Variants in DENND5B observed in about 807,000 individuals in gnomAD.
DENND5B encodes DENN domain containing 5B.
In DENND5B, 34 loss-of-function variants were observed where a neutral mutation model predicts 140.6. The ratio of observed to expected loss-of-function variants is 0.24; its 90% confidence interval spans 0.18 to 0.32. DENND5B has a LOEUF of 0.32. DENND5B is among the 10% of genes least tolerant of loss of function. The pLI, the probability that DENND5B is intolerant of heterozygous loss-of-function variation, is 1.00. For synonymous variants in DENND5B, 551 were observed against 562.1 expected, an observed-to-expected ratio of 0.98 and a Z score of 0.28; for missense variants, 1,142 against 1,560.2, an observed-to-expected ratio of 0.73 and a Z score of 4.52.
chr12:31,432,334 G>A lies in DENND5B; in HGVS notation c.2106+821C>T, dbSNP rs139014883. The A allele has an allele frequency of 3.7e-3, 567 of 153,034 alleles. 4 individuals are homozygous for A. The highest frequency in any genetic ancestry group is 0.011 in the African/African-American group (448 of 41,272). 9.5% of individuals were successfully genotyped at this position (153,034 alleles called of 1,614,324 possible). On this transcript the variant is annotated intron_variant, in intron 8 of 20. Transcript: ENST00000389082. ...GTGATGCCTCAGTTCTTAATAAAAT[G>A]TTTAAAATCATATATGTATGAACAC... is the stretch of plus-strand genomic sequence containing the variant.
chr12:31,411,951 AT>A (rs1441408963), intron 13 of DENND5B, among the ~76,000 whole-genome samples: 2 of 152,124 alleles, frequency 1.3e-5, no homozygotes, highest in African/African-American at 4.8e-5. Context: ...AGGGCAATAT[AT>A]TTCATCCAAG....
intron 1 of DENND5B, among the ~76,000 whole-genome samples, chr12:31,529,555 C>G (rs1948207877): frequency 6.6e-6 from 1 of 151,902 alleles, no homozygotes. Flanking sequence ...ATCCTTTAGG[C>G]TGGGCACGGT....
chr12:31,566,138 T>A (rs1949618576), intron 1 of DENND5B, among the ~76,000 whole-genome samples: 1 of 151,984 alleles, frequency 6.6e-6, no homozygotes, highest in South Asian at 2.1e-4. Context: ...GAAGTGAAAC[T>A]CTTGTCTCAA....
At chr12:31,590,564 A>G (rs1181615797) in intron 1 of DENND5B, 142 bp downstream of exon 1, 2 of 1,040,962 alleles carry the variant, frequency 1.9e-6, no homozygotes, top group Non-Finnish European at 2.5e-6. Flanking sequence ...ATCGCGCCCG[A>G]GCGCCAGTTC....
At chr12:31,446,264 T>A (rs183967719) in intron 6 of DENND5B, among the ~76,000 whole-genome samples, 165 of 152,082 alleles carry the variant, frequency 1.1e-3, no homozygotes, top group Admixed American at 4.5e-3. Flanking sequence ...TTCTTCTATG[T>A]CAGCCTCCCT....
intron 1 of DENND5B, among the ~76,000 whole-genome samples, chr12:31,517,688 G>A (rs1947716314): frequency 1.3e-5 from 2 of 152,308 alleles, no homozygotes; most frequent in African/African-American, 4.8e-5. Context: ...CCCTAAACTA[G>A]TAGGGGTGCT....
At chr12:31,484,637 C>T (rs1946215291) in intron 2 of DENND5B, among the ~76,000 whole-genome samples, 1 of 151,974 alleles carries the variant, frequency 6.6e-6, no homozygotes. Flanking sequence ...CCTGTCTCTA[C>T]TAAAATACAA....
chr12:31,449,687 A>G (rs1322631655), intron 5 of DENND5B, among the ~76,000 whole-genome samples: 1 of 151,420 alleles, frequency 6.6e-6, no homozygotes, highest in Non-Finnish European at 1.5e-5. Flanking sequence ...TTTAGGTAAG[A>G]ATTTGAATTG....
Position 31,413,567 on chromosome 12 carries a change from A to G in DENND5B, c.2553-3T>C, listed in dbSNP as rs778300409. 5.0e-6 allele frequency: 8 copies of G among 1,608,996 alleles called. No homozygotes were observed. In the Admixed American group the frequency reaches 5.1e-5, roughly 10 times the overall value. On this transcript the variant is annotated splice_region_variant and splice_polypyrimidine_tract_variant and intron_variant, in intron 12 of 20. Transcript: ENST00000389082. ...TCTCACTCATGTTTTGAATATGCCT[A>G]AAGAATAGTGGCAACAGCAAAGATG...
chr12:31,442,958 T>C (rs1359493187), intron 6 of DENND5B, 33 bp from the exon 7 acceptor site: 4 of 1,536,394 alleles, frequency 2.6e-6, no homozygotes, highest in Non-Finnish European at 3.5e-6. Flanking sequence ...ATTAGAGACA[T>C]TTCATTGCTA....
chr12:31,467,844 T>C (rs2138363371), intron 3 of DENND5B, among the ~76,000 whole-genome samples: 1 of 151,832 alleles, frequency 6.6e-6, no homozygotes, highest in East Asian at 1.9e-4. Context: ...AAAGAGCATA[T>C]AACATCTAAA....
At chr12:31,410,380 T>A (rs1358995459) in intron 13 of DENND5B, among the ~76,000 whole-genome samples, 3 of 152,152 alleles carry the variant, frequency 2.0e-5, no homozygotes, top group Non-Finnish European at 4.4e-5. Flanking sequence ...GGTAAGTCTA[T>A]TAGTGCCTTT....
chr12:31,469,126 G>A (rs997478740), intron 3 of DENND5B, among the ~76,000 whole-genome samples: 1 of 152,054 alleles, frequency 6.6e-6, no homozygotes, highest in African/African-American at 2.4e-5. Context: ...CTGGAGGTCA[G>A]GAGTTCAAGA....
intron 1 of DENND5B, among the ~76,000 whole-genome samples, chr12:31,568,747 A>G (rs1398115314): frequency 2.0e-5 from 3 of 152,190 alleles, no homozygotes; most frequent in Non-Finnish European, 4.4e-5. Flanking sequence ...CCCTGAACAC[A>G]TGCCCCCAAA....
At chr12:31,424,187 A>G (rs1943142000) in intron 10 of DENND5B, among the ~76,000 whole-genome samples, 1 of 152,202 alleles carries the variant, frequency 6.6e-6, no homozygotes, top group Non-Finnish European at 1.5e-5. Flanking sequence ...ACAAAAGCAA[A>G]GAGACCATTT....
intron 1 of DENND5B, among the ~76,000 whole-genome samples, chr12:31,574,337 C>T (rs1949936665): frequency 6.8e-6 from 1 of 148,060 alleles, no homozygotes; most frequent in Non-Finnish European, 1.5e-5. Context: ...TCCCTGTAAT[C>T]CCAGCACTTT....
chr12:31,557,947 G>A (rs1429645802), intron 1 of DENND5B, among the ~76,000 whole-genome samples: 4 of 152,044 alleles, frequency 2.6e-5, no homozygotes, highest in Non-Finnish European at 4.4e-5. Context: ...CAGCTATTTT[G>A]GAGGCTGAGG....
intron 17 of DENND5B, 38 bp from the exon 18 acceptor site, chr12:31,392,734 G>A: frequency 6.5e-7 from 1 of 1,533,898 alleles, no homozygotes; most frequent in Non-Finnish European, 8.8e-7. Context: ...TCTCATGGGA[G>A]AGAAATAAAC....
chr12:31,583,177 A>C (rs1055579099), intron 1 of DENND5B, among the ~76,000 whole-genome samples: 3 of 152,118 alleles, frequency 2.0e-5, no homozygotes, highest in African/African-American at 4.8e-5. Flanking sequence ...CTGTAATCCC[A>C]GCTACTCAGG....
Sources: gnomAD v4.1 joint callset for allele counts (sites outside exome capture counted in the v4.1 genomes callset) on GRCh38, gnomAD v4.1.1 for gene constraint, MANE v1.5 for transcripts, NCBI Gene and HGNC (gene_info 2026-07-23, HGNC 2026-07-21) for gene names.